Variants in MARCHF1 observed in about 807,000 individuals in gnomAD.
MARCHF1 encodes membrane associated ring-CH-type finger 1, also known as E3 ubiquitin-protein ligase MARCHF1.
Under a neutral mutation model 54.2 loss-of-function variants are expected in MARCHF1, and 40 were observed. The ratio of observed to expected loss-of-function variants is 0.74; its 90% CI spans 0.57 to 0.96. The LOEUF (loss-of-function observed/expected upper bound fraction) is 0.96. MARCHF1 is among the 40% of genes least tolerant of loss of function. The pLI is 0.00. For synonymous variants in MARCHF1, 236 were observed against 236.3 expected (o/e 1.00, Z 0.01); for missense variants, 586 against 656.5 (o/e 0.89, Z 1.17).
intron 1 of MARCHF1, among the ~76,000 whole-genome samples, chr4:164,346,895 C>G (rs1397081844): frequency 6.6e-6 from 1 of 151,828 alleles, no homozygotes; most frequent in Non-Finnish European, 1.5e-5. Context: ...CTTTAAACAT[C>G]TTTAGGAAAA....
intron 5 of MARCHF1, among the ~76,000 whole-genome samples, chr4:163,625,713 GA>G (rs1370649736): frequency 6.6e-6 from 1 of 152,196 alleles, no homozygotes; most frequent in Non-Finnish European, 1.5e-5. Flanking sequence ...TTGGACTTCA[GA>G]GTCAAAAAAC....
intron 4 of MARCHF1, among the ~76,000 whole-genome samples, chr4:163,815,283 C>A (rs1478615533): frequency 6.6e-6 from 1 of 152,132 alleles, no homozygotes; most frequent in Non-Finnish European, 1.5e-5. Flanking sequence ...TTATTTAAAA[C>A]TGTCATGCTG....
intron 1 of MARCHF1, among the ~76,000 whole-genome samples, chr4:164,332,726 G>A (rs372499046): frequency 2.0e-5 from 3 of 152,052 alleles, no homozygotes; most frequent in East Asian, 1.9e-4. Flanking sequence ...ATGATTAACC[G>A]GGCATCTGTG....
chr4:164,273,179 G>A (rs556856169), intron 1 of MARCHF1, among the ~76,000 whole-genome samples: 2 of 152,080 alleles, frequency 1.3e-5, no homozygotes, highest in East Asian at 3.9e-4. Context: ...TCACAGTTCA[G>A]TACAGCTTGG....
Position 163,646,974 on chromosome 4 carries a change from A to C in MARCHF1, c.163-33581T>G, listed in dbSNP as rs376818152. Reference sequence around the variant, plus strand: ...TGATGAAAAGACAAAGTGGCTAAATAAATAAAAGAATAAGACCCTATTCTG... The same window carrying C: ...TGATGAAAAGACAAAGTGGCTAAATCAATAAAAGAATAAGACCCTATTCTG... On this transcript the variant is annotated intron_variant, in intron 5 of 9. Coordinates refer to ENST00000514618, the MANE Select transcript of MARCHF1 (RefSeq NM_001394959.1). Among the ~76,000 whole-genome samples the C allele has an allele frequency of 2.0e-4, 30 of 152,238 alleles. 1 individual carries two copies. Among genetic ancestry groups the C allele is most frequent in the African/African-American group, 7.0e-4 (29 of 41,572 alleles).
At chr4:164,111,355 T>TA (rs2111182756) in intron 2 of MARCHF1, among the ~76,000 whole-genome samples, 2 of 151,850 alleles carry the variant, frequency 1.3e-5, no homozygotes, top group South Asian at 4.1e-4. Flanking sequence ...CACAAGTCGT[T>TA]AAAATATTGC....
chr4:163,836,247 ATT>A (rs1749179246), intron 4 of MARCHF1, among the ~76,000 whole-genome samples: 1 of 149,798 alleles, frequency 6.7e-6, no homozygotes, highest in African/African-American at 2.5e-5. Flanking sequence ...TTATTTATTT[ATT>A]TATTTATTTA....
At chr4:163,823,972 A>G (rs867802433) in intron 4 of MARCHF1, among the ~76,000 whole-genome samples, 1 of 152,018 alleles carries the variant, frequency 6.6e-6, no homozygotes, top group Middle Eastern at 3.4e-3. Flanking sequence ...GAAAGTACAA[A>G]TCCCCTATAT....
At chr4:163,621,494 A>C (rs1741695236) in intron 5 of MARCHF1, among the ~76,000 whole-genome samples, 1 of 152,136 alleles carries the variant, frequency 6.6e-6, no homozygotes, top group Non-Finnish European at 1.5e-5. Context: ...ATTTTGTATT[A>C]GATTTTTTTC....
Position 163,774,209 on chromosome 4 carries a change from G to A in MARCHF1, c.112-73346C>T, listed in dbSNP as rs145981536. Among the ~76,000 whole-genome samples, 1,165 of 152,236 alleles carry A rather than the reference G, an allele frequency of 7.7e-3. 11 individuals carry two copies. The highest frequency in any genetic ancestry group is 0.026 in the African/African-American group (1,098 of 41,536). The stretch of plus-strand genomic sequence containing the variant: ...CTTAAAATACCTAAACAATGTAAGT[G>A]CTATGCAAACAGTTGTTATACTGAA... On this transcript the variant is annotated intron_variant, in intron 4 of 9. Coordinates refer to ENST00000514618, the MANE Select transcript of MARCHF1 (RefSeq NM_001394959.1).
chr4:164,098,040 T>C (rs1755453559), intron 2 of MARCHF1, among the ~76,000 whole-genome samples: 1 of 152,178 alleles, frequency 6.6e-6, no homozygotes, highest in Non-Finnish European at 1.5e-5. Flanking sequence ...TACCATGGGA[T>C]ATCTTTATCA....
chr4:163,740,895 T>C (rs1746176727), intron 4 of MARCHF1, among the ~76,000 whole-genome samples: 1 of 152,238 alleles, frequency 6.6e-6, no homozygotes, highest in Non-Finnish European at 1.5e-5. Flanking sequence ...TGTCATCTGC[T>C]GCAAAGAAGA....
rs1384092458 is a variant in MARCHF1, at chr4:163,579,339, CAA to C, written c.1191+6408_1191+6409del. On this transcript the variant is annotated intron_variant, in intron 8 of 9. Coordinates refer to ENST00000514618, the MANE Select transcript of MARCHF1 (RefSeq NM_001394959.1). ...GGAAATAAAACAAATAAAAACAAAA[CAA>C]AGACAAAAAATTAGTAAAAAAGATT... Among the ~76,000 whole-genome samples, 5 of 152,080 alleles carry C rather than the reference CAA, an allele frequency of 3.3e-5. No homozygotes were observed. The South Asian group carries it at 6.2e-4, about 19-fold the overall frequency.
chr4:163,693,233 C>T (rs1744518715), intron 5 of MARCHF1, among the ~76,000 whole-genome samples: 1 of 151,404 alleles, frequency 6.6e-6, no homozygotes, highest in South Asian at 2.1e-4. Flanking sequence ...CTGGACAAAT[C>T]AGTGAAATTT....
rs553287649 is a variant in MARCHF1, at chr4:163,756,933, C to T, written c.112-56070G>A. On this transcript the variant is annotated intron_variant, in intron 4 of 9. Transcript: ENST00000514618. ...GAAATGGATATATTTTTTCAAAAGGCTTTAAATTTATTTCTTCAGAAACTA... is the reference window on the plus strand; with the variant it reads ...GAAATGGATATATTTTTTCAAAAGGTTTTAAATTTATTTCTTCAGAAACTA... Among the ~76,000 whole-genome samples the T allele has an allele frequency of 1.9e-4, 29 of 151,978 alleles. 1 individual carries two copies. The East Asian group carries it at 5.4e-3, about 28-fold the overall frequency.
intron 2 of MARCHF1, among the ~76,000 whole-genome samples, chr4:164,073,065 G>C (rs1754903118): frequency 6.6e-6 from 1 of 152,182 alleles, no homozygotes; most frequent in South Asian, 2.1e-4. Context: ...AGAAATTCCA[G>C]AAGAGGGGAA....
intron 1 of MARCHF1, among the ~76,000 whole-genome samples, chr4:164,240,486 C>T (rs1278554028): frequency 6.6e-6 from 1 of 152,124 alleles, no homozygotes; most frequent in Non-Finnish European, 1.5e-5. Flanking sequence ...CAGATTGTTA[C>T]TCCCACCTGG....
intron 3 of MARCHF1, among the ~76,000 whole-genome samples, chr4:163,867,618 G>C (rs552382420): frequency 6.6e-6 from 1 of 151,660 alleles, no homozygotes; most frequent in Admixed American, 6.6e-5. Flanking sequence ...TGACTACCAA[G>C]GCTTTCTTTT....
Position 163,589,703 on chromosome 4 carries a change from C to T in MARCHF1, c.1011-3774G>A, listed in dbSNP as rs563628658. On this transcript the variant is annotated intron_variant, in intron 7 of 9. Coordinates refer to ENST00000514618, the MANE Select transcript of MARCHF1 (RefSeq NM_001394959.1). ...GAAAACATAAATATGCCTTTCCAGC[C>T]GAATAATTGTGTAGAGAAATTGATT... 5.3e-5 allele frequency among the ~76,000 whole-genome samples: 8 copies of T among 152,076 alleles called. No individual in the cohort carries two copies. The South Asian group carries it at 8.3e-4, about 16-fold the overall frequency.
Sources: gnomAD v4.1 joint callset for allele counts (sites outside exome capture counted in the v4.1 genomes callset) on GRCh38, gnomAD v4.1.1 for gene constraint, MANE v1.5 for transcripts, NCBI Gene and HGNC (gene_info 2026-07-23, HGNC 2026-07-21) for gene names.